The following ADAR variants were observed in gnomAD, a reference collection of about 807,000 sequenced individuals.
The protein encoded by ADAR is adenosine deaminase RNA specific.
ADAR carries 41 observed loss-of-function variants against 113.2 expected under a neutral mutation model. The ratio of observed to expected loss-of-function variants is 0.36; its 90% CI spans 0.28 to 0.47. The LOEUF is 0.47. Among genes scored for constraint, ADAR ranks in the 20% least tolerant of loss-of-function variants. ADAR has a pLI of 1.00. For missense variants in ADAR, 1,242 were observed against 1,540.9 expected, an observed-to-expected ratio of 0.81 and a Z score of 3.25; for synonymous variants, 605 against 572.6, an observed-to-expected ratio of 1.06 and a Z score of -0.81.
chr1:154,615,001 C>T (rs1011563826), intron 1 of ADAR, among the ~76,000 whole-genome samples: 5 of 152,184 alleles, frequency 3.3e-5, no homozygotes, highest in African/African-American at 9.7e-5. Context: ...GAGAATGATT[C>T]GAAGATGCTA....
rs1491417364 is a variant in ADAR, at chr1:154,590,147, CCG to C, written c.2496+35_2496+36del. 10,663 of 1,066,664 alleles carry C rather than the reference CCG, an allele frequency of 1.0e-2. 16 individuals carry two copies. The highest frequency in any genetic ancestry group is 0.019 in the Middle Eastern group (79 of 4,224). The allele number at this position is 1,066,664 out of a possible 1,614,324, so 66.1% of individuals were successfully genotyped here. ...CCACTTAGGAGTTAGGAGGACCCCCCCGCCCCAAAAAAGGCACCAAAAGTAGA... is the reference window on the plus strand; with the variant it reads ...CCACTTAGGAGTTAGGAGGACCCCCCCCCCAAAAAAGGCACCAAAAGTAGA... On this transcript the variant is annotated intron_variant, in intron 7 of 14. Coordinates refer to ENST00000368474, the MANE Select transcript of ADAR (RefSeq NM_001111.5).
At chr1:154,598,687 C>CTT in intron 2 of ADAR, 102 bp from the exon 3 acceptor site, 1 of 1,159,704 alleles carries the variant, frequency 8.6e-7, no homozygotes, top group Non-Finnish European at 1.2e-6. Flanking sequence ...CGCTAAGGGG[C>CTT]TTTTCACTTG....
At chr1:154,615,541 C>T (rs1377764799) in intron 1 of ADAR, among the ~76,000 whole-genome samples, 1 of 152,150 alleles carries the variant, frequency 6.6e-6, no homozygotes, top group East Asian at 1.9e-4. Context: ...TCTTAAGCAG[C>T]TGGGACTACA....
At chr1:154,610,839 A>AAAAAAAAAAAAAAAAAAAAC (rs1698465029), upstream of ADAR, among the ~76,000 whole-genome samples, 1 of 144,168 alleles carries the variant, frequency 6.9e-6, no homozygotes, top group Non-Finnish European at 1.5e-5. Context: ...AAAAAAAAAA[A>AAAAAAAAAAAAAAAAAAAAC]AAGACAAAAT....
In ADAR at chr1:154,615,430, A is replaced by G. The variant is rs1698606242; in HGVS notation, c.-871+12425T>C. Reference sequence around the variant, plus strand: ...CCATGATGTCCTTTATTTATTTTTTAAAAGACAAGGTCTCTGTCACCCAGG... The same window carrying G: ...CCATGATGTCCTTTATTTATTTTTTGAAAGACAAGGTCTCTGTCACCCAGG... On this transcript the variant is annotated intron_variant, in intron 1 of 14. Coordinates refer to the ADAR transcript ENST00000368471. Among the ~76,000 whole-genome samples, 3 of 152,142 alleles carry G rather than the reference A, an allele frequency of 2.0e-5. No homozygotes were observed. In the South Asian group the frequency reaches 6.2e-4, roughly 31 times the overall value.
At chr1:154,596,641 T>C (rs1697512722) in intron 6 of ADAR, among the ~76,000 whole-genome samples, 164 bp downstream of exon 6, 1 of 152,192 alleles carries the variant, frequency 6.6e-6, no homozygotes, top group Non-Finnish European at 1.5e-5. Flanking sequence ...CATTCACTCT[T>C]GGCAGGTCTA....
intron 1 of ADAR, among the ~76,000 whole-genome samples, chr1:154,617,608 A>G (rs1400633196): frequency 6.6e-6 from 1 of 152,190 alleles, no homozygotes; most frequent in Non-Finnish European, 1.5e-5. Flanking sequence ...GAGAAAAAGG[A>G]GGGCTACCAT....
intron 1 of ADAR, among the ~76,000 whole-genome samples, chr1:154,616,551 A>T (rs919559926): frequency 1.3e-5 from 2 of 151,944 alleles, no homozygotes; most frequent in African/African-American, 4.8e-5. Flanking sequence ...TTGAGCTCTA[A>T]CCCCTACCCC....
Position 154,589,856 on chromosome 1 carries a change from TAGTC to T in ADAR, c.2565_2568del (p.Asn857AlafsTer17), listed in dbSNP as rs1180888940. On this transcript the variant is annotated frameshift_variant, in exon 8 of 15. Coordinates refer to ENST00000368474, the MANE Select transcript of ADAR (RefSeq NM_001111.5). LOFTEE classifies it high-confidence loss of function. ...CCGAGCAAGGAGGGCTGGAAGCTGTTAGTCAGAGTGTTGAAGCACCGGTGGCTCA... is the reference window on the plus strand; with the variant it reads ...CCGAGCAAGGAGGGCTGGAAGCTGTTAGAGTGTTGAAGCACCGGTGGCTCA... The T allele has an allele frequency of 1.2e-6, 2 of 1,613,890 alleles. No homozygotes were observed. Among genetic ancestry groups the T allele is most frequent in the Non-Finnish European group, 1.7e-6 (2 of 1,180,012 alleles).
intron 1 of ADAR, among the ~76,000 whole-genome samples, chr1:154,607,301 C>T (rs1183063063): frequency 6.6e-6 from 1 of 152,202 alleles, no homozygotes; most frequent in African/African-American, 2.4e-5. Flanking sequence ...TTCCTCTTCA[C>T]TACTAAGCAG....
chr1:154,601,597 T>C lies in ADAR; in HGVS notation c.1045A>G (p.Thr349Ala), dbSNP rs757683214. ...RQGDVYRQGT[T>A]PPIWHLTDKK... is the part of the protein sequence containing the mutation. ...TCTGTCAAATGCCATATGGGAGGGG[T>C]TGTCCCTTGTCTATAGACATCCCCC... The change falls in exon 2 of 15, where the codon ACC becomes GCC. Residue 349 changes from threonine (T) to alanine (A), a missense_variant. By Grantham distance (58) the Thr-to-Ala change is moderately conservative. Transcript: ENST00000368474. This position sits in a 1 kb window ranked among gnomAD's most constrained non-coding sequence, Gnocchi z 4.7. 1.9e-6 allele frequency: 3 copies of C among 1,612,456 alleles called. No homozygotes were observed. The highest frequency in any genetic ancestry group is 2.2e-5 in the East Asian group (1 of 44,898).
chr1:154,620,396 G>C (rs544484509), intron 1 of ADAR, among the ~76,000 whole-genome samples: 34 of 149,930 alleles, frequency 2.3e-4, no homozygotes, highest in Non-Finnish European at 4.1e-4. Flanking sequence ...ACAGAGCAAG[G>C]CTCCGTCTCA....
Position 154,585,047 on chromosome 1 carries a change from G to C in ADAR, c.3444-4C>G. 1 of 1,613,676 alleles carries C rather than the reference G, an allele frequency of 6.2e-7. No individual in the cohort carries two copies. The highest frequency in any genetic ancestry group is 8.5e-7 in the Non-Finnish European group (1 of 1,179,896). ...CCGGGACAATTCATTCCGTGGCCTA[G>C]AGAAACAAAAGCACTCATTATTCAC... On this transcript the variant is annotated splice_region_variant and splice_polypyrimidine_tract_variant and intron_variant, in intron 14 of 14. Coordinates refer to ENST00000368474, the MANE Select transcript of ADAR (RefSeq NM_001111.5).
intron 4 of ADAR, 52 bp from the exon 5 acceptor site, chr1:154,597,319 C>T: frequency 6.2e-7 from 1 of 1,606,382 alleles, no homozygotes; most frequent in Non-Finnish European, 8.5e-7. Context: ...GACTGAGGAG[C>T]CTGACCTAGC....
chr1:154,604,281 A>T (rs1370848943), intron 1 of ADAR, among the ~76,000 whole-genome samples: 1 of 152,204 alleles, frequency 6.6e-6, no homozygotes, highest in African/African-American at 2.4e-5. Flanking sequence ...CTGTGTTTCT[A>T]CAACTTCACT....
At chr1:154,620,262 C>T (rs1252629784) in intron 1 of ADAR, among the ~76,000 whole-genome samples, 1 of 152,118 alleles carries the variant, frequency 6.6e-6, no homozygotes, top group East Asian at 1.9e-4. Flanking sequence ...CAAACATTAG[C>T]TGGGCATGGT....
At chr1:154,591,930 G>A (rs1030996378) in intron 6 of ADAR, among the ~76,000 whole-genome samples, 1 of 152,222 alleles carries the variant, frequency 6.6e-6, no homozygotes, top group African/African-American at 2.4e-5. Context: ...GGTCAGGAGG[G>A]ACAGATTGTG....
intron 1 of ADAR, among the ~76,000 whole-genome samples, chr1:154,619,410 A>G (rs887104861): frequency 1.3e-5 from 2 of 152,178 alleles, no homozygotes; most frequent in African/African-American, 4.8e-5. Flanking sequence ...GGGCTGGAAC[A>G]ATGCTGGGTT....
At position 154,590,681 on chromosome 1, in the gene ADAR, A is replaced by G. The variant is rs75308349; in HGVS notation, c.2271-272T>C. 0.014 allele frequency among the ~76,000 whole-genome samples: 2,157 copies of G among 152,174 alleles called. 52 individuals are homozygous for G. The highest frequency in any genetic ancestry group is 0.05 in the African/African-American group (2,067 of 41,482). On this transcript the variant is annotated intron_variant, in intron 6 of 14. Transcript: ENST00000368474. ...CATTGTGGCTCACACCTGTAATCCC[A>G]GCAACTTGAGGAGCTAAGGTGGGAG...
Sources: gnomAD v4.1 joint callset for allele counts (sites outside exome capture counted in the v4.1 genomes callset) on GRCh38, gnomAD v4.1.1 for gene constraint, Gnocchi (gnomAD v3.1) non-coding constraint, MANE v1.5 for transcripts, NCBI Gene and HGNC (gene_info 2026-07-23, HGNC 2026-07-21) for gene names.